The following TMOD2 variants were observed in gnomAD, a reference collection of about 807,000 sequenced individuals.
The protein encoded by TMOD2 is tropomodulin-2.
A neutral mutation model predicts 39.9 loss-of-function variants in TMOD2; 22 were observed. The ratio of observed to expected loss-of-function variants is 0.55; its 90% CI spans 0.39 to 0.79. The LOEUF (loss-of-function observed/expected upper bound fraction) is 0.79. Among genes scored for constraint, TMOD2 ranks in the 30% least tolerant of loss-of-function variants. The probability of loss-of-function intolerance (pLI) is 0.00; values close to 1 mark genes in which losing one functional copy is unlikely to be tolerated. For missense variants in TMOD2, 386 were observed against 413.3 expected, an observed-to-expected ratio of 0.93 and a Z score of 0.57; for synonymous variants, 123 against 146.1, an observed-to-expected ratio of 0.84 and a Z score of 1.14.
chr15:51,785,275 G>A lies in TMOD2; in HGVS notation c.732+2447G>A, dbSNP rs112431839. ...AAAATACAAAAAATTAGCCGGGCGC[G>A]GTGGCGGGCGCCTGTAGTCCCAGCT... On this transcript the variant is annotated intron_variant, in intron 7 of 9. Transcript: ENST00000249700. Among the ~76,000 whole-genome samples the A allele has an allele frequency of 9.4e-3, 1,426 of 152,018 alleles. 15 individuals carry two copies. Among genetic ancestry groups the A allele is most frequent in the African/African-American group, 0.019 (773 of 41,482 alleles).
At position 51,806,378 on chromosome 15, in the gene TMOD2, G is replaced by A. The variant is rs1315885528; in HGVS notation, c.878G>A (p.Arg293Lys). The change falls in exon 9 of 10, where the codon AGG becomes AAG. Residue 293 changes from arginine to lysine, a missense_variant and splice_region_variant. Transcript: ENST00000249700. The stretch of plus-strand genomic sequence containing the variant: ...GCATGTGTCTGCACCTGCAACCAGA[G>A]GCAGCAGTTGGGAACAGCTGTAGAG... ...TLTEIKIDNQ[R>K]QQLGTAVEME... 2 of 1,614,034 alleles carry A rather than the reference G, an allele frequency of 1.2e-6. No homozygotes were observed. The highest frequency in any genetic ancestry group is 1.7e-6 in the Non-Finnish European group (2 of 1,180,006).
At chr15:51,778,612 A>G (rs1195759465) in intron 5 of TMOD2, among the ~76,000 whole-genome samples, 1 of 143,968 alleles carries the variant, frequency 6.9e-6, no homozygotes. Flanking sequence ...AGTGTGATCC[A>G]TGTGCTTTGA....
chr15:51,775,562 TCTTTTTC>T (rs1476353650), intron 4 of TMOD2, among the ~76,000 whole-genome samples: 46 of 141,192 alleles, frequency 3.3e-4, no homozygotes, highest in African/African-American at 9.3e-4. Flanking sequence ...AGTGACAAAT[TCTTTTTC>T]CTTTTTTTTT....
At chr15:51,768,468 T>G in intron 3 of TMOD2, 50 bp downstream of exon 3, 1 of 1,557,128 alleles carries the variant, frequency 6.4e-7, no homozygotes, top group Non-Finnish European at 8.7e-7. Context: ...CTCTTTTTTT[T>G]TTTTGGAACG....
chr15:51,765,344 C>T (rs2055809359), intron 1 of TMOD2, among the ~76,000 whole-genome samples: 1 of 152,176 alleles, frequency 6.6e-6, no homozygotes, highest in South Asian at 2.1e-4. Context: ...ACGTCTAATA[C>T]TTATGACATT....
chr15:51,761,720 T>A (rs765854153), intron 1 of TMOD2, among the ~76,000 whole-genome samples: 54 of 150,634 alleles, frequency 3.6e-4, no homozygotes, highest in Non-Finnish European at 6.8e-4. Context: ...TGAGACCCTG[T>A]CTTTAAAAAA....
Position 51,816,352 on chromosome 15 carries a change from T to C in TMOD2, c.*7898T>C, listed in dbSNP as rs2056188128. The C allele has an allele frequency of 6.6e-6, 1 of 152,234 alleles. No individual in the cohort carries two copies. The highest frequency in any genetic ancestry group is 1.5e-5 in the Non-Finnish European group (1 of 68,038). 9.4% of individuals were successfully genotyped at this position (152,234 alleles called of 1,614,324 possible). A position where few individuals can be genotyped will look rare whatever the true frequency, so the allele number is the denominator to read the frequency against. Reference sequence around the variant, plus strand: ...ACATTGGGAAATAATAAACTTTCCTTTCAAAGTAAAAGTAAAGACTGGTTT... The same window carrying C: ...ACATTGGGAAATAATAAACTTTCCTCTCAAAGTAAAAGTAAAGACTGGTTT... On this transcript the variant is annotated 3_prime_UTR_variant, in exon 10 of 10. Coordinates refer to ENST00000249700, the MANE Select transcript of TMOD2 (RefSeq NM_014548.4).
chr15:51,813,420 T>C lies in TMOD2; in HGVS notation c.*4966T>C, dbSNP rs1466971129. On this transcript the variant is annotated 3_prime_UTR_variant, in exon 10 of 10. Coordinates refer to ENST00000249700, the MANE Select transcript of TMOD2 (RefSeq NM_014548.4). ...AAGGAGAGAACTGATGACCTAGACA[T>C]AGAAAAGAGTAGTTAACTAACTAGA... is the stretch of plus-strand genomic sequence containing the variant. 1.3e-5 allele frequency: 2 copies of C among 152,150 alleles called. No homozygotes were observed. Among genetic ancestry groups the C allele is most frequent in the Non-Finnish European group, 2.9e-5 (2 of 68,034 alleles). 9.4% of individuals were successfully genotyped at this position (152,150 alleles called of 1,614,324 possible).
chr15:51,801,908 A>G (rs2056092905), intron 8 of TMOD2, among the ~76,000 whole-genome samples: 1 of 151,312 alleles, frequency 6.6e-6, no homozygotes, highest in Non-Finnish European at 1.5e-5. Context: ...CCTGGGCAAC[A>G]TAGCAAGACC....
rs1296571805 is a variant in TMOD2, at chr15:51,810,502, A to C, written c.*2048A>C. On this transcript the variant is annotated 3_prime_UTR_variant, in exon 10 of 10. Transcript: ENST00000249700. ...TGGCTTGAAATTGGCCATGGTAGAA[A>C]TATTTACACCACAGAAATTAGCAAT... is the stretch of plus-strand genomic sequence containing the variant. 6.6e-6 allele frequency: 1 copy of C among 152,196 alleles called. No homozygotes were observed. Among genetic ancestry groups the C allele is most frequent in the African/African-American group, 2.4e-5 (1 of 41,452 alleles). 9.4% of individuals were successfully genotyped at this position (152,196 alleles called of 1,614,324 possible). A position where few individuals can be genotyped will look rare whatever the true frequency, so the allele number is the denominator to read the frequency against.
chr15:51,773,551 T>C (rs2055867394), intron 3 of TMOD2, among the ~76,000 whole-genome samples, 161 bp from the exon 4 acceptor site: 1 of 152,180 alleles, frequency 6.6e-6, no homozygotes, highest in African/African-American at 2.4e-5. Flanking sequence ...CAGTGACTTA[T>C]TGATGTTGGT....
chr15:51,785,285 G>A (rs900270289), intron 7 of TMOD2, among the ~76,000 whole-genome samples: 18 of 152,032 alleles, frequency 1.2e-4, no homozygotes, highest in Non-Finnish European at 1.6e-4. Flanking sequence ...GGTGGCGGGC[G>A]CCTGTAGTCC....
intron 4 of TMOD2, 116 bp from the exon 5 acceptor site, chr15:51,776,816 G>C (rs1218058777): frequency 1.2e-6 from 1 of 800,938 alleles, no homozygotes. Flanking sequence ...CAAGGAAAGA[G>C]GACTCAGGGA....
chr15:51,802,216 C>T (rs1395313900), intron 8 of TMOD2, among the ~76,000 whole-genome samples: 1 of 151,000 alleles, frequency 6.6e-6, no homozygotes, highest in Admixed American at 6.6e-5. Flanking sequence ...CCTTCCTCCC[C>T]CTCAAAAAAA....
chr15:51,807,393 C>T (rs1051998797), intron 9 of TMOD2, among the ~76,000 whole-genome samples: 9 of 152,166 alleles, frequency 5.9e-5, no homozygotes, highest in African/African-American at 1.9e-4. Context: ...ATTCCTTGTC[C>T]AGACAGGCTT....
chr15:51,756,026 A>G (rs2055739382), intron 1 of TMOD2, among the ~76,000 whole-genome samples: 1 of 152,164 alleles, frequency 6.6e-6, no homozygotes, highest in Non-Finnish European at 1.5e-5. Context: ...CAGATCTCCA[A>G]GTGGAAGGCA....
At chr15:51,775,814 G>A (rs895596381) in intron 4 of TMOD2, among the ~76,000 whole-genome samples, 8 of 151,948 alleles carry the variant, frequency 5.3e-5, no homozygotes, top group African/African-American at 1.7e-4. Context: ...TTGACCTCGT[G>A]ATCCGCCCAC....
At chr15:51,800,597 C>T (rs2056080687) in intron 8 of TMOD2, among the ~76,000 whole-genome samples, 1 of 152,104 alleles carries the variant, frequency 6.6e-6, no homozygotes, top group South Asian at 2.1e-4. Context: ...TCTAAATCAA[C>T]CTCATCACCC....
chr15:51,796,066 T>C (rs981511062), intron 7 of TMOD2, among the ~76,000 whole-genome samples: 1 of 144,374 alleles, frequency 6.9e-6, no homozygotes, highest in Non-Finnish European at 1.5e-5. Context: ...TTTCTTAAAA[T>C]GTCTGGCAAT....
Sources: allele counts gnomAD v4.1 joint callset (sites outside exome capture counted in the v4.1 genomes callset), GRCh38; gene constraint gnomAD v4.1.1; transcripts MANE v1.5; gene names NCBI Gene and HGNC (gene_info 2026-07-23, HGNC 2026-07-21).